The following UROS variants were observed in gnomAD, a reference collection of about 807,000 sequenced individuals.
UROS encodes the protein uroporphyrinogen III synthase.
Under a neutral mutation model 33.0 loss-of-function variants are expected in UROS, and 18 were observed. The ratio of observed to expected loss-of-function variants is 0.55; its 90% CI spans 0.38 to 0.81. The LOEUF (loss-of-function observed/expected upper bound fraction) is 0.81. Among genes scored for constraint, UROS ranks in the 30% least tolerant of loss-of-function variants. The pLI is 0.00. For synonymous variants in UROS, 114 were observed against 121.1 expected (o/e 0.94, Z 0.38); for missense variants, 293 against 314.9 (o/e 0.93, Z 0.53).
At chr10:125,790,999 G>A (rs1850892659) in intron 9 of UROS, among the ~76,000 whole-genome samples, 1 of 151,744 alleles carries the variant, frequency 6.6e-6, no homozygotes, top group South Asian at 2.1e-4. Flanking sequence ...GGCTGAGGCA[G>A]GAGAATAGCT....
intron 6 of UROS, among the ~76,000 whole-genome samples, chr10:125,800,929 C>T (rs1277712196): frequency 6.6e-6 from 1 of 152,168 alleles, no homozygotes; most frequent in African/African-American, 2.4e-5. Context: ...TGTCCACATG[C>T]CTAATTTTTC....
At chr10:125,813,649 C>G (rs755165864) in intron 4 of UROS, among the ~76,000 whole-genome samples, 4 of 152,110 alleles carry the variant, frequency 2.6e-5, no homozygotes, top group Non-Finnish European at 1.5e-5. Context: ...AGCTAACTTT[C>G]GTATTTTTTG....
At position 125,788,832 on chromosome 10, in the gene UROS, A is replaced by G. The variant is rs1181768732; in HGVS notation, c.*36T>C. The G allele has an allele frequency of 6.4e-7, 1 of 1,555,474 alleles. No individual in the cohort carries two copies. Among genetic ancestry groups the G allele is most frequent in the East Asian group, 2.4e-5 (1 of 41,808 alleles). The stretch of plus-strand genomic sequence containing the variant: ...GCTCCATCCAGAGCCAGCCCAGCCC[A>G]GGGAGGCTGCATGGGGCCAGCGCTA... On this transcript the variant is annotated 3_prime_UTR_variant, in exon 10 of 10. Transcript: ENST00000368797.
At chr10:125,791,726 A>G (rs1589918174) in intron 9 of UROS, 2 of 152,198 alleles carry the variant, frequency 1.3e-5, no homozygotes, top group African/African-American at 2.4e-5. Flanking sequence ...AAAAGACCAC[A>G]TACTGTATGA....
At chr10:125,787,567 T>C (rs1210853627), downstream of UROS, among the ~76,000 whole-genome samples, 1 of 152,024 alleles carries the variant, frequency 6.6e-6, no homozygotes, top group Non-Finnish European at 1.5e-5. Flanking sequence ...TCTCTGGGGG[T>C]GGGGCCTGAG....
At chr10:125,787,130 G>A (rs1850655190), downstream of UROS, among the ~76,000 whole-genome samples, 1 of 152,210 alleles carries the variant, frequency 6.6e-6, no homozygotes, top group African/African-American at 2.4e-5. Context: ...TCTTCAAAAG[G>A]TGGCTTCGGG....
intron 5 of UROS, among the ~76,000 whole-genome samples, chr10:125,808,485 C>T (rs1203695143): frequency 6.6e-6 from 1 of 152,138 alleles, no homozygotes; most frequent in Non-Finnish European, 1.5e-5. Flanking sequence ...AAGAGCTAAA[C>T]GCATCAAAAA....
chr10:125,802,996 A>G (rs1237531913), intron 6 of UROS: 3 of 1,612,882 alleles, frequency 1.9e-6, no homozygotes, highest in Admixed American at 1.7e-5. Flanking sequence ...CACTTTCTTC[A>G]CTTCAAAAGA....
At chr10:125,818,492 A>AAATAATAATAAT (rs36118712) in intron 1 of UROS, among the ~76,000 whole-genome samples, 101 of 147,644 alleles carry the variant, frequency 6.8e-4, no homozygotes, top group African/African-American at 2.4e-3. Context: ...GATCTTGTCT[A>AAATAATAATAAT]AATAATAATA....
chr10:125,814,919 A>G, intron 4 of UROS, 115 bp downstream of exon 4: 1 of 1,167,836 alleles, frequency 8.6e-7, no homozygotes, highest in Admixed American at 2.0e-5. Context: ...GTGACCTGAT[A>G]CCACTAAGCA....
At chr10:125,795,170 A>C (rs1204125782) in intron 8 of UROS, 192 bp from the exon 9 acceptor site, 1 of 630,356 alleles carries the variant, frequency 1.6e-6, no homozygotes, top group East Asian at 2.9e-5. Flanking sequence ...TGTTGGAAAG[A>C]GCAGGCTGCC....
intron 6 of UROS, chr10:125,803,083 C>G: frequency 6.2e-7 from 1 of 1,611,510 alleles, no homozygotes; most frequent in Non-Finnish European, 8.5e-7. Flanking sequence ...TAGAAGCACA[C>G]AGAGCAAGGG....
chr10:125,804,511 G>A (rs562608033), intron 6 of UROS, among the ~76,000 whole-genome samples: 2 of 152,338 alleles, frequency 1.3e-5, no homozygotes, highest in Non-Finnish European at 2.9e-5. Flanking sequence ...GTAGGGAGTC[G>A]TGAGAACTCC....
At chr10:125,789,124 G>A (rs1850743832) in intron 9 of UROS, 119 bp from the exon 10 acceptor site, 6 of 1,446,092 alleles carry the variant, frequency 4.1e-6, no homozygotes, top group Non-Finnish European at 5.7e-6. Context: ...CTGCTCATGT[G>A]ACGTGTTTAT....
chr10:125,814,304 G>A (rs890599996), intron 4 of UROS, among the ~76,000 whole-genome samples: 9 of 152,160 alleles, frequency 5.9e-5, no homozygotes, highest in African/African-American at 9.7e-5. Context: ...CACTCTGCCC[G>A]CTGCCTCCGC....
chr10:125,807,574 G>A (rs1368354763), intron 5 of UROS, 87 bp from the exon 6 acceptor site: 10 of 1,002,820 alleles, frequency 1.0e-5, no homozygotes, highest in Non-Finnish European at 1.4e-5. Flanking sequence ...CAAATACACA[G>A]GTATGCAGTT....
chr10:125,801,653 GATTT>G (rs890324378), intron 6 of UROS, among the ~76,000 whole-genome samples: 5 of 152,208 alleles, frequency 3.3e-5, no homozygotes, highest in African/African-American at 1.2e-4. Context: ...GCAAATGGAA[GATTT>G]ATTAGGACCC....
At chr10:125,820,598 T>C (rs1487588730) in intron 1 of UROS, among the ~76,000 whole-genome samples, 2 of 152,210 alleles carry the variant, frequency 1.3e-5, no homozygotes, top group Non-Finnish European at 2.9e-5. Flanking sequence ...CAAGATGACA[T>C]GTAAAAGTAA....
intron 7 of UROS, among the ~76,000 whole-genome samples, chr10:125,797,793 G>A (rs1009856420): frequency 3.3e-5 from 5 of 152,138 alleles, no homozygotes; most frequent in Admixed American, 2.0e-4. Flanking sequence ...TCCACATCTC[G>A]ATCTCCTGTC....
Sources: allele counts gnomAD v4.1 joint callset (sites outside exome capture counted in the v4.1 genomes callset), GRCh38; gene constraint gnomAD v4.1.1; transcripts MANE v1.5; gene names NCBI Gene and HGNC (gene_info 2026-07-23, HGNC 2026-07-21).